PPFIBP1: variants seen among roughly 807,000 people sequenced by gnomAD.
PPFIBP1 encodes the protein PPFIB scaffold protein 1.
In PPFIBP1, 112 loss-of-function variants were observed where a neutral mutation model predicts 137.8. The ratio of observed to expected loss-of-function variants is 0.81; its 90% CI spans 0.70 to 0.95. The LOEUF is 0.95. PPFIBP1 is among the 40% of genes least tolerant of loss of function. The pLI, the probability that PPFIBP1 is intolerant of heterozygous loss-of-function variation, is 0.00. For synonymous variants in PPFIBP1, 378 were observed against 417.3 expected, an observed-to-expected ratio of 0.91 and a Z score of 1.15; for missense variants, 1,083 against 1,196.6, an observed-to-expected ratio of 0.91 and a Z score of 1.40.
intron 15 of PPFIBP1, among the ~76,000 whole-genome samples, chr12:27,673,295 G>A (rs1417911824): frequency 6.6e-6 from 1 of 152,176 alleles, no homozygotes; most frequent in Non-Finnish European, 1.5e-5. Context: ...CCTCTACTAT[G>A]CTTTAATTAG....
At chr12:27,592,711 G>A in intron 2 of PPFIBP1, 1 of 1,196,768 alleles carries the variant, frequency 8.4e-7, no homozygotes, top group South Asian at 1.2e-5. Context: ...GATCTCTGGA[G>A]CACTTGTCCT....
chr12:27,595,881 AACAAAATAT>A (rs1320267587), intron 2 of PPFIBP1, among the ~76,000 whole-genome samples: 14 of 32,518 alleles, frequency 4.3e-4, no homozygotes, highest in Admixed American at 2.3e-3. Context: ...CAACAACAAC[AACAAAATAT>A]ATATATATAT....
intron 1 of PPFIBP1, among the ~76,000 whole-genome samples, chr12:27,563,277 T>TAAACAAAAA (rs2049319319): frequency 4.5e-5 from 1 of 22,172 alleles, no homozygotes; most frequent in Non-Finnish European, 7.1e-5. Flanking sequence ...CCATCTCTAC[T>TAAACAAAAA]AAAAAAAAAA....
intron 2 of PPFIBP1, chr12:27,592,717 G>T (rs2052669052): frequency 2.6e-6 from 3 of 1,171,228 alleles, no homozygotes; most frequent in African/African-American, 3.0e-5. Context: ...TGGAGCACTT[G>T]TCCTTTGGCT....
chr12:27,607,877 G>A (rs941064364), intron 2 of PPFIBP1, among the ~76,000 whole-genome samples: 2 of 152,122 alleles, frequency 1.3e-5, no homozygotes, highest in Non-Finnish European at 2.9e-5. Context: ...GGTGGGGACA[G>A]GAATGTGGCT....
At chr12:27,626,498 A>G (rs2056827837) in intron 2 of PPFIBP1, among the ~76,000 whole-genome samples, 1 of 152,004 alleles carries the variant, frequency 6.6e-6, no homozygotes. Context: ...GGGCTTGGAA[A>G]AACACCGATT....
At chr12:27,524,627 A>T (rs993153467) in intron 1 of PPFIBP1, among the ~76,000 whole-genome samples, 44 of 151,818 alleles carry the variant, frequency 2.9e-4, no homozygotes, top group African/African-American at 1.0e-3. Context: ...TTAGACCCCC[A>T]CACCCTAGGC....
intron 10 of PPFIBP1, among the ~76,000 whole-genome samples, chr12:27,660,353 A>G (rs2059464518): frequency 6.6e-6 from 1 of 152,212 alleles, no homozygotes; most frequent in African/African-American, 2.4e-5. Context: ...AAGTTTATAG[A>G]TGAAGCAAAG....
At chr12:27,594,868 T>C (rs1428286522) in intron 2 of PPFIBP1, among the ~76,000 whole-genome samples, 1 of 152,244 alleles carries the variant, frequency 6.6e-6, no homozygotes, top group Admixed American at 6.5e-5. Flanking sequence ...TATATGTGAA[T>C]GTGGCTATCA....
chr12:27,603,970 G>A (rs1431839790), intron 2 of PPFIBP1, among the ~76,000 whole-genome samples: 1 of 152,192 alleles, frequency 6.6e-6, no homozygotes, highest in East Asian at 1.9e-4. Context: ...GAGGAAACAA[G>A]AAAGTACAGA....
intron 13 of PPFIBP1, among the ~76,000 whole-genome samples, chr12:27,669,367 G>A (rs541432444): frequency 7.9e-5 from 12 of 152,304 alleles, no homozygotes; most frequent in African/African-American, 2.2e-4. Flanking sequence ...GACAGTCAAC[G>A]AGTGTGCTGC....
At chr12:27,674,983 T>A (rs1329798332) in intron 17 of PPFIBP1, among the ~76,000 whole-genome samples, 2 of 151,738 alleles carry the variant, frequency 1.3e-5, no homozygotes, top group Non-Finnish European at 2.9e-5. Flanking sequence ...CGGCTGTTTT[T>A]TTTTTTCGTT....
intron 1 of PPFIBP1, among the ~76,000 whole-genome samples, chr12:27,570,540 CATTTA>C (rs202197367): frequency 0.016 from 2,497 of 152,230 alleles, 67 homozygotes; most frequent in African/African-American, 0.057. Context: ...AATTAAATCA[CATTTA>C]ATTAATCTGA....
At chr12:27,577,698 T>A (rs1349450832) in intron 1 of PPFIBP1, among the ~76,000 whole-genome samples, 2 of 152,240 alleles carry the variant, frequency 1.3e-5, no homozygotes, top group Non-Finnish European at 2.9e-5. Context: ...TTCTACATAT[T>A]TTATACAACT....
At position 27,660,889 on chromosome 12, in the gene PPFIBP1, G is replaced by A. The variant is rs2059504302; in HGVS notation, c.850G>A (p.Glu284Lys). Residue 284 changes from glutamate (E) to lysine (K), a missense_variant, in exon 11 of 30, where the codon GAA (glutamate) becomes AAA (lysine). Coordinates refer to ENST00000228425, the MANE Select transcript of PPFIBP1 (RefSeq NM_003622.4). ...TGATTTGATGTTATTTTCAGACATCGAAGTACAAAAAATGAAAAAAGCTGT... is the reference window on the plus strand; with the variant it reads ...TGATTTGATGTTATTTTCAGACATCAAAGTACAAAAAATGAAAAAAGCTGT... Reference protein sequence around the residue: ...FKKKLKEKNIEVQKMKKAVES... With the variant: ...FKKKLKEKNIKVQKMKKAVES... 5.0e-6 allele frequency: 8 copies of A among 1,613,050 alleles called. No individual in the cohort carries two copies. Among genetic ancestry groups the A allele is most frequent in the Non-Finnish European group, 6.8e-6 (8 of 1,179,540 alleles).
intron 22 of PPFIBP1, 82 bp downstream of exon 22, chr12:27,681,778 A>G: frequency 6.8e-7 from 1 of 1,477,326 alleles, no homozygotes; most frequent in Admixed American, 2.1e-5. Flanking sequence ...TAGTCCAGAA[A>G]GGGCCATGAG....
At chr12:27,671,317 C>T in intron 13 of PPFIBP1, 114 bp from the exon 14 acceptor site, 1 of 594,954 alleles carries the variant, frequency 1.7e-6, no homozygotes, top group Admixed American at 3.5e-5. Context: ...GTTCTGAACA[C>T]TGATTATGAG....
intron 1 of PPFIBP1, among the ~76,000 whole-genome samples, chr12:27,544,175 TC>T (rs1297637086): frequency 1.3e-5 from 2 of 151,974 alleles, no homozygotes; most frequent in African/African-American, 2.4e-5. Flanking sequence ...AGCCATCATG[TC>T]CCCCCTGATT....
intron 2 of PPFIBP1, among the ~76,000 whole-genome samples, chr12:27,597,433 C>T (rs773216022): frequency 2.0e-5 from 3 of 152,152 alleles, no homozygotes; most frequent in East Asian, 3.9e-4. Context: ...GGATTACAGG[C>T]GTGAGCCACC....
Sources: allele counts gnomAD v4.1 joint callset (sites outside exome capture counted in the v4.1 genomes callset), GRCh38; gene constraint gnomAD v4.1.1; transcripts MANE v1.5; gene names NCBI Gene and HGNC (gene_info 2026-07-23, HGNC 2026-07-21).